ZNF142: variants seen among roughly 807,000 people sequenced by gnomAD.
ZNF142 encodes zinc finger protein 142.
Under a neutral mutation model 132.1 loss-of-function variants are expected in ZNF142, and 96 were observed. The ratio of observed to expected loss-of-function variants is 0.73; its 90% CI spans 0.62 to 0.86. The LOEUF (loss-of-function observed/expected upper bound fraction) is 0.86. Ranked by LOEUF, ZNF142 falls within the 40% of genes least tolerant of loss-of-function variation. The pLI, the probability that ZNF142 is intolerant of heterozygous loss-of-function variation, is 0.00. For synonymous variants in ZNF142, 842 were observed against 890.1 expected, an observed-to-expected ratio of 0.95 and a Z score of 0.96; for missense variants, 2,163 against 2,336.2, an observed-to-expected ratio of 0.93 and a Z score of 1.53.
At position 218,636,902 on chromosome 2, in the gene ZNF142, A is replaced by G. The variant is rs1422157864; in HGVS notation, c.*1437T>C. The G allele has an allele frequency of 2.1e-6, 1 of 470,484 alleles. No individual in the cohort carries two copies. The highest frequency in any genetic ancestry group is 2.0e-5 in the African/African-American group (1 of 50,608). The allele number at this position is 470,484 out of a possible 1,614,324, so 29.1% of individuals were successfully genotyped here. ...CATCTACAACTAATCTTTCCCATCA[A>G]CTCTGTGTGAAGGCAGGTTGCAACT... On this transcript the variant is annotated 3_prime_UTR_variant, in exon 11 of 11. Coordinates refer to ENST00000411696, the MANE Select transcript of ZNF142 (RefSeq NM_001379659.1).
At position 218,638,312 on chromosome 2, in the gene ZNF142, T is replaced by G; in HGVS notation, c.*27A>C. 3.4e-6 allele frequency: 5 copies of G among 1,492,424 alleles called. No individual in the cohort carries two copies. The highest frequency in any genetic ancestry group is 3.6e-6 in the Non-Finnish European group (4 of 1,120,438). The allele number at this position is 1,492,424 out of a possible 1,614,324, so 92.4% of individuals were successfully genotyped here. On this transcript the variant is annotated 3_prime_UTR_variant, in exon 11 of 11. Coordinates refer to ENST00000411696, the MANE Select transcript of ZNF142 (RefSeq NM_001379659.1). The stretch of plus-strand genomic sequence containing the variant: ...TCTGCACATCTCAGACCATACCCTC[T>G]TCCTATACAGGAGGTGGGGCAGGCT...
chr2:218,649,545 C>A (rs1937788192), intron 6 of ZNF142, 86 bp from the exon 7 acceptor site: 1 of 1,279,006 alleles, frequency 7.8e-7, no homozygotes, highest in African/African-American at 1.5e-5. Flanking sequence ...TGCTCAGACA[C>A]AAACGATGTG....
Position 218,659,561 on chromosome 2 carries a change from C to T in ZNF142, c.-554G>A, listed in dbSNP as rs1939074667. On this transcript the variant is annotated 5_prime_UTR_variant, in exon 1 of 11. Transcript: ENST00000411696. This position sits in a 1 kb window ranked among gnomAD's most constrained non-coding sequence, Gnocchi z 4.4. Reference sequence around the variant, plus strand: ...TTGTCTCTGTGGTTTTTCCCGCCCTCCACCCCCACTCCAGCCCTGAAGCCG... The same window carrying T: ...TTGTCTCTGTGGTTTTTCCCGCCCTTCACCCCCACTCCAGCCCTGAAGCCG... 1 of 152,348 alleles carries T rather than the reference C, an allele frequency of 6.6e-6. No homozygotes were observed. Among genetic ancestry groups the T allele is most frequent in the African/African-American group, 2.4e-5 (1 of 41,444 alleles). 9.4% of individuals were successfully genotyped at this position (152,348 alleles called of 1,614,324 possible). A position where few individuals can be genotyped will look rare whatever the true frequency, so the allele number is the denominator to read the frequency against.
intron 9 of ZNF142, among the ~76,000 whole-genome samples, chr2:218,641,328 G>A (rs1300062511): frequency 4.1e-5 from 6 of 148,106 alleles, no homozygotes; most frequent in African/African-American, 1.5e-4. Flanking sequence ...CTCACTGCAA[G>A]TTCTGCCTCC....
Position 218,642,067 on chromosome 2 carries a change from G to A in ZNF142, c.5049C>T (p.His1683=), listed in dbSNP as rs1697243746. The stretch of plus-strand genomic sequence containing the variant: ...GATCAGCACAGGCATAGGGGCAGAG[G>A]TGACAGTGGTAAGGCTTTTCCCCAG... ...IHTGEKPYHC[H]LCPYACADPS... Residue 1683 remains histidine, a synonymous_variant, in exon 9 of 11, where the codon CAC becomes CAT. Coordinates refer to ENST00000411696, the MANE Select transcript of ZNF142 (RefSeq NM_001379659.1). The surrounding 1 kb of genome is among the most constrained non-coding windows in gnomAD (Gnocchi z 4.6). 6.2e-7 allele frequency: 1 copy of A among 1,614,118 alleles called. No homozygotes were observed. The highest frequency in any genetic ancestry group is 8.5e-7 in the Non-Finnish European group (1 of 1,180,056).
In ZNF142 at chr2:218,633,419, T is replaced by C. The variant is rs1225038093; in HGVS notation, c.*4920A>G. The C allele has an allele frequency of 1.3e-6, 1 of 742,564 alleles. No individual in the cohort carries two copies. The highest frequency in any genetic ancestry group is 2.4e-6 in the Non-Finnish European group (1 of 419,922). 46.0% of individuals were successfully genotyped at this position (742,564 alleles called of 1,614,324 possible). ...GTGCCCGCTGTTTTGTCCGTCTATC[T>C]GTTGTCAGATTGTGGCCCAGGCTCC... On this transcript the variant is annotated 3_prime_UTR_variant, in exon 11 of 11. Coordinates refer to ENST00000411696, the MANE Select transcript of ZNF142 (RefSeq NM_001379659.1).
chr2:218,634,233 G>A lies in ZNF142; in HGVS notation c.*4106C>T, dbSNP rs368799309. On this transcript the variant is annotated 3_prime_UTR_variant, in exon 11 of 11. Transcript: ENST00000411696. The surrounding 1 kb of genome is among the most constrained non-coding windows in gnomAD (Gnocchi z 4.0). ...AGGCTGCCAGATGGGTGAGGAGGCA[G>A]CAGGGACTGGGAAGAGGGAGTGGAG... 2 of 1,603,084 alleles carry A rather than the reference G, an allele frequency of 1.2e-6. No individual in the cohort carries two copies. The highest frequency in any genetic ancestry group is 2.7e-5 in the African/African-American group (2 of 74,708).
rs1300808427 is a variant in ZNF142 at position 218,635,134 on chromosome 2, C to T, written c.*3205G>A. Reference sequence around the variant, plus strand: ...TAAAAATTAGCCTGGCATGGTGGCACATGACTATAGATAGTCCTGGCTACT... The same window carrying T: ...TAAAAATTAGCCTGGCATGGTGGCATATGACTATAGATAGTCCTGGCTACT... On this transcript the variant is annotated 3_prime_UTR_variant, in exon 11 of 11. Coordinates refer to ENST00000411696, the MANE Select transcript of ZNF142 (RefSeq NM_001379659.1). 6.6e-6 allele frequency among the ~76,000 whole-genome samples: 1 copy of T among 151,978 alleles called. No homozygotes were observed.
chr2:218,649,451 C>A lies in ZNF142; in HGVS notation c.1057G>T (p.Val353Phe), dbSNP rs752981863. Residue 353 changes from valine (V) to phenylalanine (F), a missense_variant, in exon 7 of 11, where the codon GTC becomes TTC. Coordinates refer to ENST00000411696, the MANE Select transcript of ZNF142 (RefSeq NM_001379659.1). The stretch of plus-strand genomic sequence containing the variant: ...TTGAAGAGGGACTCGGTGCCAGAGA[C>A]CACATCCCCTGGGAAAGGGAATACA... Reference protein sequence around the residue: ...QGAQRLEGDVVSGTESLFKTH... With the variant: ...QGAQRLEGDVFSGTESLFKTH... 5.0e-6 allele frequency: 8 copies of A among 1,591,958 alleles called. No individual in the cohort carries two copies. The highest frequency in any genetic ancestry group is 4.3e-6 in the Non-Finnish European group (5 of 1,168,078).
In ZNF142 at chr2:218,650,342, C is replaced by T. The variant is rs1575077748; in HGVS notation, c.1048+17G>A. 1 of 1,614,012 alleles carries T rather than the reference C, an allele frequency of 6.2e-7. No individual in the cohort carries two copies. The highest frequency in any genetic ancestry group is 8.5e-7 in the Non-Finnish European group (1 of 1,180,016). On this transcript the variant is annotated intron_variant, in intron 6 of 10. Transcript: ENST00000411696. ...CTTCCCCACCACCAAGGGCTTCAAG[C>T]CTCAGAATGTCATTACCTTCCAGCC...
chr2:218,642,295 T>G lies in ZNF142; in HGVS notation c.4821A>C (p.Ser1607=). 1 of 1,614,088 alleles carries G rather than the reference T, an allele frequency of 6.2e-7. No homozygotes were observed. Among genetic ancestry groups the G allele is most frequent in the African/African-American group, 1.3e-5 (1 of 75,038 alleles). The part of the protein sequence containing the change: ...KHYLEQHEET[S]AAVAASDGDG... Reference sequence around the variant, plus strand: ...CCCCATCTGAGGCTGCCACGGCTGCTGAAGTCTCCTCATGCTGTTCCAGGT... The same window carrying G: ...CCCCATCTGAGGCTGCCACGGCTGCGGAAGTCTCCTCATGCTGTTCCAGGT... The change falls in exon 9 of 11, where the codon TCA becomes TCC. Residue 1607 remains serine (S), a synonymous_variant. Transcript: ENST00000411696. The surrounding 1 kb of genome is among the most constrained non-coding windows in gnomAD (Gnocchi z 4.6).
chr2:218,634,515 G>A lies in ZNF142; in HGVS notation c.*3824C>T, dbSNP rs555345253. 28 of 1,614,032 alleles carry A rather than the reference G, an allele frequency of 1.7e-5. No individual in the cohort carries two copies. Among genetic ancestry groups the A allele is most frequent in the African/African-American group, 1.1e-4 (8 of 75,052 alleles). Reference sequence around the variant, plus strand: ...ATGGACATCTGTGATGGGCATTTCCGCCAGAATGGCGGCTGTGGCTATGTG... The same window carrying A: ...ATGGACATCTGTGATGGGCATTTCCACCAGAATGGCGGCTGTGGCTATGTG... On this transcript the variant is annotated 3_prime_UTR_variant, in exon 11 of 11. Coordinates refer to ENST00000411696, the MANE Select transcript of ZNF142 (RefSeq NM_001379659.1). The surrounding 1 kb of genome is among the most constrained non-coding windows in gnomAD (Gnocchi z 4.0).
intron 7 of ZNF142, 91 bp from the exon 8 acceptor site, chr2:218,646,439 G>A (rs1697738970): frequency 6.9e-7 from 1 of 1,446,066 alleles, no homozygotes; most frequent in Non-Finnish European, 9.4e-7. Context: ...CTGCCCTGAT[G>A]CCAGGGAGGA....
At position 218,634,468 on chromosome 2, in the gene ZNF142, T is replaced by C; in HGVS notation, c.*3871A>G. ...TCCTGGGGCCCTCAGTGGCCATGAA[T>C]ATGCAGACTGCAGGGCTTGAAATGG... On this transcript the variant is annotated 3_prime_UTR_variant, in exon 11 of 11. Transcript: ENST00000411696. The surrounding 1 kb of genome is among the most constrained non-coding windows in gnomAD (Gnocchi z 4.0). The C allele has an allele frequency of 6.2e-7, 1 of 1,612,880 alleles. No individual in the cohort carries two copies. Among genetic ancestry groups the C allele is most frequent in the Non-Finnish European group, 8.5e-7 (1 of 1,179,476 alleles).
At chr2:218,648,511 T>C (rs1433910780) in intron 7 of ZNF142, 124 bp downstream of exon 7, 1 of 914,364 alleles carries the variant, frequency 1.1e-6, no homozygotes, top group Admixed American at 2.7e-5. Context: ...ATTTGTAAAC[T>C]TGGAATGCTA....
intron 8 of ZNF142, among the ~76,000 whole-genome samples, 167 bp downstream of exon 8, chr2:218,646,004 C>T (rs918644975): frequency 5.9e-5 from 9 of 152,190 alleles, no homozygotes; most frequent in East Asian, 1.9e-4. Context: ...TTGCCCGCCC[C>T]GGCCTCTCAA....
Position 218,638,220 on chromosome 2 carries a change from C to T in ZNF142, c.*119G>A, listed in dbSNP as rs1209126488. 1 of 995,368 alleles carries T rather than the reference C, an allele frequency of 1.0e-6. No homozygotes were observed. Among genetic ancestry groups the T allele is most frequent in the Non-Finnish European group, 1.4e-6 (1 of 739,038 alleles). The allele number at this position is 995,368 out of a possible 1,614,324, so 61.7% of individuals were successfully genotyped here. A position where few individuals can be genotyped will look rare whatever the true frequency, so the allele number is the denominator to read the frequency against. ...GCCAGAGTCCCAGGAAGGTTCTAGT[C>T]ACCCTTGTACCCCAAAAGCCAGTCT... is the stretch of plus-strand genomic sequence containing the variant. On this transcript the variant is annotated 3_prime_UTR_variant, in exon 11 of 11. Coordinates refer to ENST00000411696, the MANE Select transcript of ZNF142 (RefSeq NM_001379659.1).
chr2:218,633,356 G>T lies in ZNF142; in HGVS notation c.*4983C>A, dbSNP rs12989964. On this transcript the variant is annotated 3_prime_UTR_variant, in exon 11 of 11. Transcript: ENST00000411696. Reference sequence around the variant, plus strand: ...GACACTGATCCCAGCAGTACATGCAGACCGCCTTTATTCCCATTCCCACCC... The same window carrying T: ...GACACTGATCCCAGCAGTACATGCATACCGCCTTTATTCCCATTCCCACCC... The T allele has an allele frequency of 0.044, 30,977 of 703,466 alleles. 951 individuals carry two copies. Among genetic ancestry groups the T allele is most frequent in the East Asian group, 0.11 (4,243 of 37,284 alleles). The allele number at this position is 703,466 out of a possible 1,614,324, so 43.6% of individuals were successfully genotyped here.
intron 10 of ZNF142, among the ~76,000 whole-genome samples, chr2:218,639,972 T>G (rs11694090): frequency 0.49 from 69,540 of 143,166 alleles, 19,378 homozygotes; most frequent in East Asian, 0.82. Context: ...AGGAGAATGG[T>G]GTGAACCCGG....
Sources: gnomAD v4.1 joint callset for allele counts (sites outside exome capture counted in the v4.1 genomes callset) on GRCh38, gnomAD v4.1.1 for gene constraint, Gnocchi (gnomAD v3.1) non-coding constraint, MANE v1.5 for transcripts, NCBI Gene and HGNC (gene_info 2026-07-23, HGNC 2026-07-21) for gene names.